Variants in OR2C1 observed in about 807,000 individuals in gnomAD.
OR2C1 encodes the protein olfactory receptor 2C1.
For missense variants in OR2C1, 468 were observed against 388.3 expected, an observed-to-expected ratio of 1.21 and a Z score of -1.73; for synonymous variants, 209 against 167.3, an observed-to-expected ratio of 1.25 and a Z score of -1.92.
At chr16:3,346,810 T>A in the OR2C1 span, among the ~76,000 whole-genome samples, 5 of 151,256 alleles carry the variant, frequency 3.3e-5, no homozygotes, top group African/African-American at 1.2e-4. Context: ...TTGTATTTTT[T>A]AAGTAGAGAC....
the OR2C1 span, among the ~76,000 whole-genome samples, chr16:3,345,589 G>A: frequency 1.3e-5 from 2 of 151,886 alleles, no homozygotes; most frequent in Non-Finnish European, 2.9e-5. Flanking sequence ...ATATTTGTTT[G>A]GATGCACATA....
chr16:3,352,305 CG>C (rs1255422807), upstream of OR2C1, among the ~76,000 whole-genome samples: 1 of 151,882 alleles, frequency 6.6e-6, no homozygotes, highest in Non-Finnish European at 1.5e-5. Flanking sequence ...TTAGTAGAGA[CG>C]GGGTTTCACT....
At chr16:3,342,389 G>T in the OR2C1 span, among the ~76,000 whole-genome samples, 1 of 152,200 alleles carries the variant, frequency 6.6e-6, no homozygotes, top group Non-Finnish European at 1.5e-5. Context: ...TGTGATGTCT[G>T]TAACTGCCAA....
chr16:3,353,670 G>A (rs2030610065), upstream of OR2C1, among the ~76,000 whole-genome samples: 1 of 151,690 alleles, frequency 6.6e-6, no homozygotes, highest in Admixed American at 6.6e-5. Flanking sequence ...GCGTGGTGGT[G>A]CACTCCTGTA....
At chr16:3,328,793 C>G in the OR2C1 span, among the ~76,000 whole-genome samples, 1 of 152,124 alleles carries the variant, frequency 6.6e-6, no homozygotes, top group Non-Finnish European at 1.5e-5. Context: ...AGGAAGAGTT[C>G]AAGCCCAGAG....
upstream of OR2C1, among the ~76,000 whole-genome samples, chr16:3,353,287 C>T (rs1366060718): frequency 2.0e-5 from 3 of 150,974 alleles, no homozygotes; most frequent in South Asian, 2.1e-4. Context: ...GTCAAGAGAT[C>T]GAAACCATCC....
chr16:3,348,475 G>A, the OR2C1 span, among the ~76,000 whole-genome samples: 1 of 152,122 alleles, frequency 6.6e-6, no homozygotes. Context: ...TTCCTCTATT[G>A]TAAAACAGGA....
the OR2C1 span, among the ~76,000 whole-genome samples, chr16:3,343,878 T>G: frequency 6.6e-6 from 1 of 152,216 alleles, no homozygotes. Flanking sequence ...GGGGGAAATA[T>G]TTCTAATTTC....
At chr16:3,339,993 T>A in the OR2C1 span, among the ~76,000 whole-genome samples, 2 of 152,040 alleles carry the variant, frequency 1.3e-5, no homozygotes, top group Non-Finnish European at 2.9e-5. Flanking sequence ...TAAAAATGAG[T>A]TGTGGCTGGG....
rs527455777 is a variant in OR2C1, at chr16:3,356,660, G to A, written c.720G>A (p.Thr240=). 10 of 1,614,118 alleles carry A rather than the reference G, an allele frequency of 6.2e-6. No homozygotes were observed. Among genetic ancestry groups the A allele is most frequent in the East Asian group, 4.5e-5 (2 of 44,876 alleles). Residue 240 remains threonine, a synonymous_variant, in exon 1 of 1, where the codon ACG becomes ACA. Transcript: ENST00000304936. ...AGGGGAGGCGAAAGGCGTTCAATAC[G>A]TGCCTCTCCCATCTGCTGGTGGTGT... ...SAEGRRKAFN[T]CLSHLLVVFL...
the OR2C1 span, among the ~76,000 whole-genome samples, chr16:3,345,485 CAAA>C: frequency 0.81 from 115,055 of 142,116 alleles, 45,608 homozygotes; most frequent in East Asian, 0.92. Context: ...GACTCTGTCT[CAAA>C]AAAAAAAAAA....
upstream of OR2C1, among the ~76,000 whole-genome samples, chr16:3,352,271 C>T (rs995893105): frequency 6.6e-6 from 1 of 151,980 alleles, no homozygotes; most frequent in African/African-American, 2.4e-5. Flanking sequence ...CGCCCACCAC[C>T]ACGCCCGCCT....
chr16:3,342,161 G>T, the OR2C1 span, among the ~76,000 whole-genome samples: 2 of 152,096 alleles, frequency 1.3e-5, no homozygotes, highest in Non-Finnish European at 2.9e-5. Context: ...TGAGGAGGGA[G>T]AATCACTTGA....
the OR2C1 span, among the ~76,000 whole-genome samples, chr16:3,342,108 A>G: frequency 2.5e-4 from 38 of 152,272 alleles, no homozygotes; most frequent in Admixed American, 5.2e-4. Context: ...AAATTTAGCT[A>G]GGCGTGGTGG....
At chr16:3,337,074 C>A in the OR2C1 span, among the ~76,000 whole-genome samples, 20 of 151,124 alleles carry the variant, frequency 1.3e-4, no homozygotes, top group African/African-American at 4.6e-4. Context: ...AGGCTGGTCT[C>A]GAACTCCTGA....
chr16:3,325,930 C>CT, the OR2C1 span, among the ~76,000 whole-genome samples: 9,313 of 127,940 alleles, frequency 0.073, 1,231 homozygotes, highest in African/African-American at 0.25. Flanking sequence ...CAAGTGCATT[C>CT]TTTTTTTTTT....
the OR2C1 span, among the ~76,000 whole-genome samples, chr16:3,338,656 C>T: frequency 6.7e-6 from 1 of 148,758 alleles, no homozygotes; most frequent in South Asian, 2.1e-4. Context: ...CCCTTCCTCA[C>T]CCTCCCAAGT....
the OR2C1 span, among the ~76,000 whole-genome samples, chr16:3,347,466 CT>C: frequency 1.7e-3 from 238 of 144,114 alleles, no homozygotes; most frequent in South Asian, 2.2e-3. Flanking sequence ...AACACACATA[CT>C]TTTTTTTTTT....
chr16:3,345,269 G>C, the OR2C1 span, among the ~76,000 whole-genome samples: 1 of 151,892 alleles, frequency 6.6e-6, no homozygotes, highest in South Asian at 2.1e-4. Context: ...CAGATCACGA[G>C]GTCAACAGTT....
Sources: gnomAD v4.1 joint callset for allele counts (sites outside exome capture counted in the v4.1 genomes callset) on GRCh38, gnomAD v4.1.1 for gene constraint, MANE v1.5 for transcripts, NCBI Gene and HGNC (gene_info 2026-07-23, HGNC 2026-07-21) for gene names.